RAB31: variants seen among roughly 807,000 people sequenced by gnomAD.
The protein encoded by RAB31 is ras-related protein Rab-31.
RAB31 carries 21 observed loss-of-function variants against 25.6 expected under a neutral mutation model. The observed-to-expected ratio is 0.82, with a 90% CI of 0.58 to 1.18. The LOEUF is 1.18. Among genes scored for constraint, RAB31 ranks in the 50% most tolerant of loss-of-function variants. RAB31 has a pLI of 0.00. For synonymous variants in RAB31, 87 were observed against 84.0 expected, an observed-to-expected ratio of 1.04 and a Z score of -0.20; for missense variants, 196 against 250.1, an observed-to-expected ratio of 0.78 and a Z score of 1.46.
In RAB31 at chr18:9,845,573, CTT is replaced by C; in HGVS notation, c.381-6_381-5del. On this transcript the variant is annotated splice_polypyrimidine_tract_variant and splice_region_variant and intron_variant, in intron 5 of 6. Transcript: ENST00000578921. ...TTCATTTCCTGTCTACATTTGACCT[CTT>C]TTCCAGGGAGGTTCCCCTGAAGGAT... 2.6e-6 allele frequency: 4 copies of C among 1,529,702 alleles called. No individual in the cohort carries two copies. The highest frequency in any genetic ancestry group is 3.5e-6 in the Non-Finnish European group (4 of 1,141,306). The allele number at this position is 1,529,702 out of a possible 1,614,324, so 94.8% of individuals were successfully genotyped here.
intron 1 of RAB31, among the ~76,000 whole-genome samples, chr18:9,756,027 G>A (rs1006778001): frequency 6.6e-6 from 1 of 152,350 alleles, no homozygotes; most frequent in Non-Finnish European, 1.5e-5. Flanking sequence ...ATTCATTGAT[G>A]ACTTTTATTT....
intron 2 of RAB31, among the ~76,000 whole-genome samples, chr18:9,783,176 A>G (rs1015694022): frequency 1.2e-4 from 18 of 152,122 alleles, no homozygotes; most frequent in African/African-American, 3.9e-4. Flanking sequence ...GCAGGTATCC[A>G]TTTCCCTATA....
chr18:9,843,062 G>T (rs2068742141), intron 5 of RAB31, among the ~76,000 whole-genome samples: 1 of 152,160 alleles, frequency 6.6e-6, no homozygotes. Context: ...TCCTGCAGTT[G>T]GACTGATTAG....
At chr18:9,716,186 G>A (rs2068043642) in intron 1 of RAB31, among the ~76,000 whole-genome samples, 1 of 152,072 alleles carries the variant, frequency 6.6e-6, no homozygotes, top group South Asian at 2.1e-4. Flanking sequence ...CATTTTTGAA[G>A]AAGCCAGGCC....
intron 1 of RAB31, among the ~76,000 whole-genome samples, chr18:9,748,745 G>C (rs1203588228): frequency 6.6e-6 from 1 of 151,932 alleles, no homozygotes; most frequent in Non-Finnish European, 1.5e-5. Context: ...ACAAAAATTA[G>C]CTGGGTGTGG....
chr18:9,807,086 G>A (rs953638384), intron 3 of RAB31, among the ~76,000 whole-genome samples: 8 of 152,350 alleles, frequency 5.3e-5, no homozygotes, highest in South Asian at 2.1e-4. Flanking sequence ...GGACAGGAGG[G>A]AGGTGCGGCT....
At chr18:9,783,215 C>T (rs2068414288) in intron 2 of RAB31, among the ~76,000 whole-genome samples, 1 of 152,256 alleles carries the variant, frequency 6.6e-6, no homozygotes. Flanking sequence ...CTATTCAATG[C>T]AGAGTAGGTA....
chr18:9,823,614 T>G (rs963198723), intron 5 of RAB31, among the ~76,000 whole-genome samples: 2 of 152,150 alleles, frequency 1.3e-5, no homozygotes, highest in Non-Finnish European at 2.9e-5. Flanking sequence ...AACAAAAAGT[T>G]GATTTAGATA....
intron 2 of RAB31, among the ~76,000 whole-genome samples, chr18:9,777,982 T>A (rs1599034614): frequency 6.6e-6 from 1 of 152,098 alleles, no homozygotes; most frequent in East Asian, 1.9e-4. Flanking sequence ...CTCAATCTCT[T>A]GACCTTGTGA....
intron 1 of RAB31, among the ~76,000 whole-genome samples, chr18:9,724,292 A>AAAAAAC (rs1568162623): frequency 4.5e-4 from 65 of 143,544 alleles, no homozygotes; most frequent in African/African-American, 1.2e-3. Flanking sequence ...AAAAAACAAA[A>AAAAAAC]AAAAAACATT....
intron 3 of RAB31, among the ~76,000 whole-genome samples, chr18:9,809,984 C>T (rs1231813906): frequency 6.6e-6 from 1 of 152,234 alleles, no homozygotes; most frequent in Non-Finnish European, 1.5e-5. Context: ...AGGCCGTTCC[C>T]GTCTCCCCTG....
rs564437418 is a variant in RAB31 at position 9,802,387 on chromosome 18, G to A, written c.201+10152G>A. Among the ~76,000 whole-genome samples the A allele has an allele frequency of 2.0e-5, 3 of 152,290 alleles. No homozygotes were observed. In the South Asian group the frequency reaches 6.2e-4, roughly 32 times the overall value. On this transcript the variant is annotated intron_variant, in intron 3 of 6. Coordinates refer to ENST00000578921, the MANE Select transcript of RAB31 (RefSeq NM_006868.4). ...CCTCAGAGAAAAAATTTTGAATAAAGAGTTAGGTCAGGCACAGTGAATCAT... is the reference window on the plus strand; with the variant it reads ...CCTCAGAGAAAAAATTTTGAATAAAAAGTTAGGTCAGGCACAGTGAATCAT...
intron 1 of RAB31, chr18:9,726,131 C>G (rs1387370087): frequency 6.6e-6 from 1 of 152,254 alleles, no homozygotes; most frequent in Non-Finnish European, 1.5e-5. Context: ...CTCCAGGGTT[C>G]CCAGCTCCAC....
chr18:9,762,370 C>T (rs9959135), intron 1 of RAB31, among the ~76,000 whole-genome samples: 2,672 of 152,184 alleles, frequency 0.018, 76 homozygotes, highest in African/African-American at 0.06. Flanking sequence ...AAGTTTGGAG[C>T]GTGGTGCCTT....
At chr18:9,765,117 T>C (rs1313301284) in intron 1 of RAB31, among the ~76,000 whole-genome samples, 1 of 152,140 alleles carries the variant, frequency 6.6e-6, no homozygotes, top group African/African-American at 2.4e-5. Context: ...CACGCCTGTC[T>C]GATTTTTGTA....
At chr18:9,730,524 T>C (rs1291216297) in intron 1 of RAB31, among the ~76,000 whole-genome samples, 2 of 152,144 alleles carry the variant, frequency 1.3e-5, no homozygotes, top group East Asian at 3.9e-4. Flanking sequence ...CCCGACCTCA[T>C]GTGTTCCCCC....
intron 1 of RAB31, among the ~76,000 whole-genome samples, chr18:9,767,945 C>T (rs1286941159): frequency 6.6e-6 from 1 of 152,034 alleles, no homozygotes; most frequent in Non-Finnish European, 1.5e-5. Flanking sequence ...GTTCAACTCC[C>T]ATTTATGAGT....
chr18:9,798,788 T>TAAA (rs11285866), intron 3 of RAB31, among the ~76,000 whole-genome samples: 2 of 144,974 alleles, frequency 1.4e-5, no homozygotes, highest in Non-Finnish European at 3.0e-5. Flanking sequence ...GCAGCTAATT[T>TAAA]AAAAAAAAAA....
At chr18:9,772,146 C>A in intron 1 of RAB31, among the ~76,000 whole-genome samples, 1 of 151,850 alleles carries the variant, frequency 6.6e-6, no homozygotes, top group Non-Finnish European at 1.5e-5. Context: ...AGACTTGTGT[C>A]CATTGTTTTG....
Sources: allele counts gnomAD v4.1 joint callset (sites outside exome capture counted in the v4.1 genomes callset), GRCh38; gene constraint gnomAD v4.1.1; transcripts MANE v1.5; gene names NCBI Gene and HGNC (gene_info 2026-07-23, HGNC 2026-07-21).